Variants in SLC44A5 observed in about 807,000 individuals in gnomAD.
SLC44A5 encodes choline transporter-like protein 5.
In SLC44A5, 57 loss-of-function variants were observed where a neutral mutation model predicts 101.8. The ratio of observed to expected loss-of-function variants is 0.56; its 90% CI spans 0.45 to 0.70. The LOEUF is 0.70. Among genes scored for constraint, SLC44A5 ranks in the 30% least tolerant of loss-of-function variants. SLC44A5 has a pLI of 0.00. For missense variants in SLC44A5, 737 were observed against 853.1 expected (o/e 0.86, Z 1.70); for synonymous variants, 281 against 290.9 (o/e 0.97, Z 0.35).
At position 75,479,827 on chromosome 1, in the gene SLC44A5, G is replaced by A. The variant is rs1339540861; in HGVS notation, c.13+61608C>T. On this transcript the variant is annotated intron_variant, in intron 2 of 23. Transcript: ENST00000370859. ...AGCCGAATTCTACCAGAGGTACAAG[G>A]AGGAACTGGTATCATTCCTTCTGAA... 1.1e-4 allele frequency among the ~76,000 whole-genome samples: 17 copies of A among 152,344 alleles called. No homozygotes were observed. The East Asian group carries it at 3.1e-3, about 28-fold the overall frequency.
chr1:75,626,835 T>C, the SLC44A5 span, among the ~76,000 whole-genome samples: 1 of 152,178 alleles, frequency 6.6e-6, no homozygotes, highest in Non-Finnish European at 1.5e-5. Flanking sequence ...CAAAGCATAT[T>C]ATGCTTCTGT....
the SLC44A5 span, among the ~76,000 whole-genome samples, chr1:75,693,981 A>G: frequency 6.6e-6 from 1 of 151,820 alleles, no homozygotes; most frequent in African/African-American, 2.4e-5. Context: ...AGGTCCATAC[A>G]GTGTAAGTCT....
chr1:75,641,700 G>A, the SLC44A5 span: 67 of 1,548,308 alleles, frequency 4.3e-5, no homozygotes, highest in African/African-American at 8.3e-4. Context: ...TCTTGTATGA[G>A]ATACTGCATA....
intron 5 of SLC44A5, among the ~76,000 whole-genome samples, chr1:75,300,184 T>G (rs1356670947): frequency 3.9e-5 from 6 of 152,260 alleles, no homozygotes; most frequent in African/African-American, 1.4e-4. Flanking sequence ...ATGAATTATC[T>G]GGTGAAATTC....
intron 1 of SLC44A5, among the ~76,000 whole-genome samples, chr1:75,576,974 T>C (rs1206577200): frequency 6.6e-6 from 1 of 152,240 alleles, no homozygotes; most frequent in Non-Finnish European, 1.5e-5. Context: ...TGTCCAAAAC[T>C]GAATTCTTGA....
the SLC44A5 span, among the ~76,000 whole-genome samples, chr1:75,696,662 G>A: frequency 3.3e-5 from 5 of 152,238 alleles, 1 homozygote; most frequent in South Asian, 6.2e-4. Context: ...TTGGGAGGCC[G>A]AGGCGGGGAG....
At chr1:75,479,969 A>C (rs1361374447) in intron 2 of SLC44A5, among the ~76,000 whole-genome samples, 1 of 152,222 alleles carries the variant, frequency 6.6e-6, no homozygotes, top group Non-Finnish European at 1.5e-5. Context: ...TTTTAGACCA[A>C]TATCCTTGAT....
chr1:75,682,432 G>A, the SLC44A5 span, among the ~76,000 whole-genome samples: 1 of 151,674 alleles, frequency 6.6e-6, no homozygotes, highest in Admixed American at 6.6e-5. Flanking sequence ...ACAGAACAGA[G>A]CCCTCAGAAA....
At chr1:75,704,024 A>T in the SLC44A5 span, among the ~76,000 whole-genome samples, 1 of 152,032 alleles carries the variant, frequency 6.6e-6, no homozygotes, top group South Asian at 2.1e-4. Flanking sequence ...CCTGTCTCTA[A>T]TTAGTTAATT....
intron 2 of SLC44A5, among the ~76,000 whole-genome samples, chr1:75,405,954 T>C (rs539505944): frequency 1.6e-4 from 23 of 145,548 alleles, no homozygotes; most frequent in African/African-American, 5.8e-4. Flanking sequence ...ACAAAATAGA[T>C]AGACCGCTAG....
chr1:75,468,304 A>G (rs954744901), intron 2 of SLC44A5, among the ~76,000 whole-genome samples: 3 of 152,194 alleles, frequency 2.0e-5, no homozygotes, highest in Admixed American at 6.5e-5. Context: ...ATGATCCAGG[A>G]ATCCTACTGC....
At position 75,275,093 on chromosome 1, in the gene SLC44A5, G is replaced by T. The variant is rs538421481; in HGVS notation, c.176-51C>A. ...TGCTATCAGCAAAAGCCAGCTAAAG[G>T]CAGTTTGATTTGAGATATTAGAATG... On this transcript the variant is annotated intron_variant, in intron 5 of 23. Transcript: ENST00000370859. The T allele has an allele frequency of 8.2e-6, 12 of 1,466,906 alleles. No homozygotes were observed. The Admixed American group carries it at 2.0e-4, about 24-fold the overall frequency. The allele number at this position is 1,466,906 out of a possible 1,614,324, so 90.9% of individuals were successfully genotyped here. A position where few individuals can be genotyped will look rare whatever the true frequency, so the allele number is the denominator to read the frequency against.
the SLC44A5 span, among the ~76,000 whole-genome samples, chr1:75,701,698 G>A: frequency 4.6e-5 from 7 of 152,118 alleles, no homozygotes; most frequent in Non-Finnish European, 1.0e-4. Context: ...ATTCAATTAG[G>A]AAAAGAGGAA....
At chr1:75,267,636 C>T (rs1333355470) in intron 6 of SLC44A5, among the ~76,000 whole-genome samples, 1 of 152,130 alleles carries the variant, frequency 6.6e-6, no homozygotes, top group East Asian at 1.9e-4. Context: ...CTGCAACCTC[C>T]ACCTCCTGGG....
At chr1:75,652,916 T>C in the SLC44A5 span, among the ~76,000 whole-genome samples, 2 of 152,218 alleles carry the variant, frequency 1.3e-5, no homozygotes, top group Admixed American at 6.5e-5. Context: ...TCTCCTTATA[T>C]TCCCCTGGAC....
intron 5 of SLC44A5, among the ~76,000 whole-genome samples, chr1:75,297,033 C>A (rs1022957845): frequency 1.4e-4 from 21 of 152,160 alleles, no homozygotes; most frequent in African/African-American, 5.1e-4. Flanking sequence ...AGGACTCCTC[C>A]ACGTAGCTGC....
rs763780821 is a variant in SLC44A5 at position 75,214,589 on chromosome 1, C to T, written c.1802+16G>A. ...CACTACATTGTTAAATTACATTGTG[C>T]AGCCTGATTACTTACTTCAAAACAT... is the stretch of plus-strand genomic sequence containing the variant. On this transcript the variant is annotated intron_variant, in intron 20 of 23. Coordinates refer to ENST00000370859, the MANE Select transcript of SLC44A5 (RefSeq NM_001130058.2). The T allele has an allele frequency of 2.2e-5, 36 of 1,605,342 alleles. No individual in the cohort carries two copies. The Middle Eastern group carries it at 1.3e-3, about 59-fold the overall frequency.
intron 6 of SLC44A5, among the ~76,000 whole-genome samples, chr1:75,264,694 C>T (rs1051591006): frequency 8.6e-5 from 13 of 151,246 alleles, no homozygotes; most frequent in South Asian, 2.1e-4. Context: ...CATAAAAGTA[C>T]GAAGACAATC....
the SLC44A5 span, among the ~76,000 whole-genome samples, chr1:75,686,101 T>C: frequency 6.6e-6 from 1 of 152,162 alleles, no homozygotes; most frequent in East Asian, 1.9e-4. Context: ...ACCACCCCCA[T>C]GGTTCAATTA....
Sources: gnomAD v4.1 joint callset for allele counts (sites outside exome capture counted in the v4.1 genomes callset) on GRCh38, gnomAD v4.1.1 for gene constraint, MANE v1.5 for transcripts, NCBI Gene and HGNC (gene_info 2026-07-23, HGNC 2026-07-21) for gene names.